WDR82: variants seen among roughly 807,000 people sequenced by gnomAD.
WDR82 encodes the protein WD repeat-containing protein 82.
In WDR82, 8 loss-of-function variants were observed where a neutral mutation model predicts 36.1. The ratio of observed to expected loss-of-function variants is 0.22; its 90% CI spans 0.13 to 0.40. The LOEUF (loss-of-function observed/expected upper bound fraction) is 0.40, where lower values mean the gene tolerates loss of function less well. Ranked by LOEUF, WDR82 falls within the 10% of genes least tolerant of loss-of-function variation. WDR82 has a pLI of 1.00. For missense variants in WDR82, 185 were observed against 400.5 expected, an observed-to-expected ratio of 0.46 and a Z score of 4.59; for synonymous variants, 129 against 137.8, an observed-to-expected ratio of 0.94 and a Z score of 0.45.
chr3:52,262,397 CTG>C (rs1391917114), intron 3 of WDR82, among the ~76,000 whole-genome samples: 6 of 152,146 alleles, frequency 3.9e-5, no homozygotes, highest in Non-Finnish European at 8.8e-5. Flanking sequence ...AGTATGTAGA[CTG>C]TATCTCAATT....
At chr3:52,270,877 A>C in intron 1 of WDR82, 68 bp from the exon 2 acceptor site, 1 of 1,219,004 alleles carries the variant, frequency 8.2e-7, no homozygotes, top group Non-Finnish European at 1.2e-6. Context: ...TCTCCACATA[A>C]AGAGAAGCAC....
At chr3:52,261,971 T>TA (rs1700066295) in intron 3 of WDR82, among the ~76,000 whole-genome samples, 1 of 151,978 alleles carries the variant, frequency 6.6e-6, no homozygotes, top group South Asian at 2.1e-4. Flanking sequence ...AGATCTGCAC[T>TA]ATTCATAACA....
intron 3 of WDR82, among the ~76,000 whole-genome samples, 164 bp from the exon 4 acceptor site, chr3:52,261,643 A>G (rs1215244429): frequency 6.6e-6 from 1 of 151,618 alleles, no homozygotes; most frequent in Non-Finnish European, 1.5e-5. Flanking sequence ...TATCTGGAAC[A>G]AACAAAGGCA....
intron 2 of WDR82, among the ~76,000 whole-genome samples, chr3:52,269,851 G>A (rs1429245002): frequency 2.6e-5 from 4 of 152,132 alleles, no homozygotes; most frequent in African/African-American, 4.8e-5. Flanking sequence ...GATTTATCTC[G>A]AGACATGCAG....
At chr3:52,261,902 A>T (rs1400706765) in intron 3 of WDR82, among the ~76,000 whole-genome samples, 1 of 152,220 alleles carries the variant, frequency 6.6e-6, no homozygotes, top group African/African-American at 2.4e-5. Flanking sequence ...CTCCACTCCT[A>T]GGTATTTACC....
intron 5 of WDR82, 123 bp downstream of exon 5, chr3:52,260,262 G>A: frequency 1.6e-6 from 1 of 628,618 alleles, no homozygotes; most frequent in Non-Finnish European, 2.6e-6. Context: ...CTGGGAGGCA[G>A]AGGTTGCAGT....
chr3:52,270,087 C>A (rs1205410231), intron 2 of WDR82, among the ~76,000 whole-genome samples: 1 of 152,164 alleles, frequency 6.6e-6, no homozygotes, highest in South Asian at 2.1e-4. Context: ...TTATCACTTG[C>A]TGTGTATCAA....
intron 1 of WDR82, chr3:52,277,998 T>G: frequency 2.4e-6 from 1 of 419,336 alleles, no homozygotes; most frequent in Non-Finnish European, 4.1e-6. Context: ...TATTATAAAA[T>G]TATGACTATC....
At chr3:52,276,611 G>A (rs968759483) in intron 1 of WDR82, among the ~76,000 whole-genome samples, 1 of 152,080 alleles carries the variant, frequency 6.6e-6, no homozygotes, top group Non-Finnish European at 1.5e-5. Flanking sequence ...GTTCTAATCT[G>A]TGCATAAGCA....
chr3:52,278,643 A>C lies in WDR82; in HGVS notation c.-282T>G. 2.5e-6 allele frequency: 1 copy of C among 394,948 alleles called. No homozygotes were observed. Among genetic ancestry groups the C allele is most frequent in the Admixed American group, 4.4e-5 (1 of 22,548 alleles). The allele number at this position is 394,948 out of a possible 1,614,324, so 24.5% of individuals were successfully genotyped here. ...CCGCCATTTTGGGGCGACAGGCAGA[A>C]GCTGAGGGCGAGGAGCCTCAGCCGC... is the stretch of plus-strand genomic sequence containing the variant. On this transcript the variant is annotated 5_prime_UTR_variant, in exon 1 of 9. Coordinates refer to ENST00000296490, the MANE Select transcript of WDR82 (RefSeq NM_025222.4).
At chr3:52,260,551 T>G in intron 4 of WDR82, 50 bp from the exon 5 acceptor site, 1 of 1,300,082 alleles carries the variant, frequency 7.7e-7, no homozygotes, top group Non-Finnish European at 1.1e-6. Flanking sequence ...GCCACAACCA[T>G]ACGTGGAATA....
Position 52,258,526 on chromosome 3 carries a change from GTT to G in WDR82, c.912+8_912+9del, listed in dbSNP as rs1700031863. The G allele has an allele frequency of 2.5e-6, 4 of 1,613,076 alleles. No homozygotes were observed. The highest frequency in any genetic ancestry group is 3.4e-6 in the Non-Finnish European group (4 of 1,179,884). On this transcript the variant is annotated splice_region_variant and intron_variant, in intron 8 of 8. Transcript: ENST00000296490. ...CCCTGAGTAGCAGATACCTCTTACT[GTT>G]CACATACCATGTTGGAACACGCACT...
At chr3:52,273,736 C>T (rs1700174884) in intron 1 of WDR82, among the ~76,000 whole-genome samples, 1 of 152,230 alleles carries the variant, frequency 6.6e-6, no homozygotes, top group African/African-American at 2.4e-5. Context: ...TTCTCCCTGC[C>T]TCAGCCTCCT....
At chr3:52,273,254 A>G (rs978729625) in intron 1 of WDR82, among the ~76,000 whole-genome samples, 1 of 152,092 alleles carries the variant, frequency 6.6e-6, no homozygotes, top group African/African-American at 2.4e-5. Context: ...ACAGGGTGAA[A>G]TCCCATCTCT....
At chr3:52,268,948 G>A (rs1162229953) in intron 2 of WDR82, among the ~76,000 whole-genome samples, 1 of 152,106 alleles carries the variant, frequency 6.6e-6, no homozygotes, top group Non-Finnish European at 1.5e-5. Flanking sequence ...ACAAGTGGCT[G>A]GGACTACAGG....
intron 1 of WDR82, 53 bp from the exon 2 acceptor site, chr3:52,270,862 T>G (rs1700147091): frequency 2.2e-6 from 3 of 1,391,774 alleles, no homozygotes; most frequent in Non-Finnish European, 3.0e-6. Context: ...CATCAAAATC[T>G]GGGATCTCCA....
In WDR82 at chr3:52,257,634, C is replaced by T. The variant is rs141244807; in HGVS notation, c.913-115G>A. ...CCCAACCCCAGTGGCTCTGGTAGCC[C>T]TCTCTCCTAACCAACCAACCCCGAT... On this transcript the variant is annotated intron_variant, in intron 8 of 8. Coordinates refer to ENST00000296490, the MANE Select transcript of WDR82 (RefSeq NM_025222.4). The T allele has an allele frequency of 1.8e-4, 226 of 1,281,418 alleles. 2 individuals carry two copies. In the East Asian group the frequency reaches 5.5e-3, roughly 31 times the overall value. The allele number at this position is 1,281,418 out of a possible 1,614,324, so 79.4% of individuals were successfully genotyped here.
chr3:52,268,961 C>T (rs1420190964), intron 2 of WDR82, among the ~76,000 whole-genome samples: 1 of 152,080 alleles, frequency 6.6e-6, no homozygotes, highest in Non-Finnish European at 1.5e-5. Context: ...ACTACAGGCG[C>T]GTCCCATCAC....
rs1184326325 is a variant in WDR82, at chr3:52,278,464, C to G, written c.-103G>C. ...CAACCCAGGCGGGGCGGGCGCCGCG[C>G]CGGCGGCTAGCGGGAAGTCGGCCAA... On this transcript the variant is annotated 5_prime_UTR_variant, in exon 1 of 9. Coordinates refer to ENST00000296490, the MANE Select transcript of WDR82 (RefSeq NM_025222.4). 7.8e-5 allele frequency: 83 copies of G among 1,066,454 alleles called. No homozygotes were observed. The highest frequency in any genetic ancestry group is 9.4e-5 in the Non-Finnish European group (80 of 854,158). The allele number at this position is 1,066,454 out of a possible 1,614,324, so 66.1% of individuals were successfully genotyped here.
Sources: allele counts gnomAD v4.1 joint callset (sites outside exome capture counted in the v4.1 genomes callset), GRCh38; gene constraint gnomAD v4.1.1; transcripts MANE v1.5; gene names NCBI Gene and HGNC (gene_info 2026-07-23, HGNC 2026-07-21).